PPP3R1: variants seen among roughly 807,000 people sequenced by gnomAD.
PPP3R1 encodes the protein protein phosphatase 3 regulatory subunit B, alpha, also known as calcineurin subunit B type 1.
A neutral mutation model predicts 22.6 loss-of-function variants in PPP3R1; 5 were observed. The observed-to-expected ratio is 0.22, with a 90% CI of 0.12 to 0.46. The LOEUF is 0.46. PPP3R1 is among the 20% of genes least tolerant of loss of function. The pLI, the probability that PPP3R1 is intolerant of heterozygous loss-of-function variation, is 0.99. For synonymous variants in PPP3R1, 56 were observed against 65.2 expected (o/e 0.86, Z 0.68); for missense variants, 61 against 203.2 (o/e 0.30, Z 4.25).
intron 1 of PPP3R1, among the ~76,000 whole-genome samples, chr2:68,246,969 G>A (rs754562376): frequency 2.4e-5 from 3 of 126,594 alleles, no homozygotes; most frequent in Non-Finnish European, 5.0e-5. Flanking sequence ...CCCACCTCCC[G>A]CCCCCCAAAA....
intron 2 of PPP3R1, among the ~76,000 whole-genome samples, chr2:68,209,358 C>CAAAAAAAAAAAA (rs777851469): frequency 2.4e-5 from 1 of 41,680 alleles, no homozygotes; most frequent in Non-Finnish European, 4.3e-5. Context: ...GACTCTGTCT[C>CAAAAAAAAAAAA]AAAAAAAAAA....
At chr2:68,243,826 C>A (rs1300203427) in intron 1 of PPP3R1, among the ~76,000 whole-genome samples, 1 of 151,602 alleles carries the variant, frequency 6.6e-6, no homozygotes, top group East Asian at 1.9e-4. Context: ...TAATAAGTAG[C>A]GTATCATTAA....
chr2:68,223,154 G>T (rs992510025), intron 1 of PPP3R1, among the ~76,000 whole-genome samples: 13 of 152,146 alleles, frequency 8.5e-5, no homozygotes, highest in African/African-American at 2.9e-4. Context: ...CTAACACTTG[G>T]GGGGCTGAGG....
intron 2 of PPP3R1, among the ~76,000 whole-genome samples, chr2:68,208,198 A>G (rs116157508): frequency 6.6e-6 from 1 of 152,332 alleles, no homozygotes; most frequent in African/African-American, 2.4e-5. Flanking sequence ...CAAGTATTAT[A>G]GATCTACATA....
intron 1 of PPP3R1, among the ~76,000 whole-genome samples, chr2:68,223,937 T>C (rs2103781409): frequency 1.3e-5 from 2 of 152,036 alleles, no homozygotes; most frequent in East Asian, 3.9e-4. Flanking sequence ...AATAAATGAA[T>C]TAAGCAAGAC....
chr2:68,252,101 G>C (rs1558647993), intron 1 of PPP3R1, 24 bp downstream of exon 1: 1 of 1,427,856 alleles, frequency 7.0e-7, no homozygotes, highest in Non-Finnish European at 9.3e-7. Context: ...GAGGGATGGT[G>C]CATCGAGGAA....
At chr2:68,181,185 C>T (rs1381871005) in intron 5 of PPP3R1, among the ~76,000 whole-genome samples, 175 bp from the exon 6 acceptor site, 2 of 152,046 alleles carry the variant, frequency 1.3e-5, no homozygotes, top group East Asian at 1.9e-4. Context: ...GTCAGGAGAT[C>T]GAGACCATCC....
chr2:68,222,082 T>C (rs1225883872), intron 1 of PPP3R1, among the ~76,000 whole-genome samples: 1 of 152,132 alleles, frequency 6.6e-6, no homozygotes, highest in African/African-American at 2.4e-5. Flanking sequence ...AAATAAAAGA[T>C]ATTTTTCTCA....
At chr2:68,200,777 C>T (rs1434954761) in intron 2 of PPP3R1, among the ~76,000 whole-genome samples, 1 of 152,206 alleles carries the variant, frequency 6.6e-6, no homozygotes, top group African/African-American at 2.4e-5. Flanking sequence ...AGTCTTCCCA[C>T]TCTAGATTGA....
At chr2:68,225,083 G>T (rs1441817882) in intron 1 of PPP3R1, among the ~76,000 whole-genome samples, 1 of 152,220 alleles carries the variant, frequency 6.6e-6, no homozygotes, top group African/African-American at 2.4e-5. Flanking sequence ...TGATTATGTG[G>T]TGAACAGAAT....
intron 1 of PPP3R1, among the ~76,000 whole-genome samples, chr2:68,239,638 C>G (rs575442736): frequency 3.3e-5 from 5 of 152,108 alleles, no homozygotes; most frequent in African/African-American, 1.2e-4. Flanking sequence ...ACGAATGAAT[C>G]ATCAGTACAC....
At chr2:68,202,470 G>A (rs1460060433) in intron 2 of PPP3R1, among the ~76,000 whole-genome samples, 2 of 151,908 alleles carry the variant, frequency 1.3e-5, no homozygotes, top group South Asian at 2.1e-4. Context: ...TGTCTCCCAC[G>A]CTGGAGTGCA....
chr2:68,233,086 C>T (rs1187610523), intron 1 of PPP3R1, among the ~76,000 whole-genome samples: 1 of 152,178 alleles, frequency 6.6e-6, no homozygotes, highest in South Asian at 2.1e-4. Flanking sequence ...GAGTCTCTCT[C>T]TTGTAGAAAA....
At chr2:68,234,204 A>G (rs1226781953) in intron 1 of PPP3R1, among the ~76,000 whole-genome samples, 1 of 152,142 alleles carries the variant, frequency 6.6e-6, no homozygotes, top group Non-Finnish European at 1.5e-5. Context: ...TTAGTCGGGC[A>G]TGGTGGTAGA....
chr2:68,200,161 T>C (rs951293933), intron 2 of PPP3R1, among the ~76,000 whole-genome samples: 1 of 152,228 alleles, frequency 6.6e-6, no homozygotes, highest in Non-Finnish European at 1.5e-5. Flanking sequence ...AATTTGTCCA[T>C]TTCATCTAAG....
At chr2:68,208,127 T>C (rs1669366845) in intron 2 of PPP3R1, among the ~76,000 whole-genome samples, 1 of 152,200 alleles carries the variant, frequency 6.6e-6, no homozygotes, top group African/African-American at 2.4e-5. Flanking sequence ...CACTCCAGCC[T>C]GGGCAACAAG....
chr2:68,186,618 G>C lies in PPP3R1; in HGVS notation c.315C>G (p.Gly105=). The stretch of plus-strand genomic sequence containing the variant: ...GGAAGAGTTCCCCATTGGAAATATA[G>C]CCATCTTTATCCATGTCATAGATAC... ...AFRIYDMDKD[G]YISNGELFQV... The change falls in exon 5 of 6, where the codon GGC becomes GGG. Residue 105 remains glycine, a synonymous_variant. Transcript: ENST00000234310. 1 of 1,612,508 alleles carries C rather than the reference G, an allele frequency of 6.2e-7. No homozygotes were observed. The highest frequency in any genetic ancestry group is 8.5e-7 in the Non-Finnish European group (1 of 1,179,148).
intron 2 of PPP3R1, among the ~76,000 whole-genome samples, chr2:68,213,610 C>T (rs1357169371): frequency 6.6e-6 from 1 of 152,122 alleles, no homozygotes; most frequent in African/African-American, 2.4e-5. Context: ...GTGACACAGA[C>T]AGGAAAACAT....
chr2:68,241,180 T>C (rs1670123353), intron 1 of PPP3R1, among the ~76,000 whole-genome samples: 1 of 149,078 alleles, frequency 6.7e-6, no homozygotes, highest in South Asian at 2.1e-4. Context: ...TAAAATGGCA[T>C]AGTATTTGAA....
Sources: allele counts gnomAD v4.1 joint callset (sites outside exome capture counted in the v4.1 genomes callset), GRCh38; gene constraint gnomAD v4.1.1; transcripts MANE v1.5; gene names NCBI Gene and HGNC (gene_info 2026-07-23, HGNC 2026-07-21).